DHX58: variants seen among roughly 807,000 people sequenced by gnomAD.
DHX58 encodes the protein ATP-dependent RNA helicase DHX58.
DHX58 carries 51 observed loss-of-function variants against 65.0 expected under a neutral mutation model. The observed-to-expected ratio is 0.78, with a 90% CI of 0.63 to 0.99. The LOEUF (loss-of-function observed/expected upper bound fraction) is 0.99. DHX58 is among the 50% of genes least tolerant of loss of function. The pLI is 0.00. For missense variants in DHX58, 773 were observed against 891.8 expected (o/e 0.87, Z 1.70); for synonymous variants, 350 against 365.0 (o/e 0.96, Z 0.47).
At position 42,110,758 on chromosome 17, in the gene DHX58, A is replaced by G; in HGVS notation, c.526T>C (p.Ser176Pro). The change falls in exon 5 of 14, where the codon TCC becomes CCC. Residue 176 changes from serine (S) to proline (P), a missense_variant. Coordinates refer to ENST00000251642, the MANE Select transcript of DHX58 (RefSeq NM_024119.3). The part of the protein sequence containing the change: ...LTASPGTGGA[S>P]KLDGAINHVL... Reference sequence around the variant, plus strand: ...TGGTTGATGGCCCCATCGAGTTTGGAGGCCCCGCCAGTGCCTGGGGAGGCT... The same window carrying G: ...TGGTTGATGGCCCCATCGAGTTTGGGGGCCCCGCCAGTGCCTGGGGAGGCT... The G allele has an allele frequency of 1.2e-6, 2 of 1,610,998 alleles. No homozygotes were observed. The highest frequency in any genetic ancestry group is 1.7e-6 in the Non-Finnish European group (2 of 1,178,524).
At chr17:42,109,885 C>A (rs1224082132) in intron 5 of DHX58, among the ~76,000 whole-genome samples, 5 of 132,352 alleles carry the variant, frequency 3.8e-5, no homozygotes, top group Non-Finnish European at 6.2e-5. Context: ...ACAGAGACTC[C>A]GTCTCAAAAA....
chr17:42,107,914 G>T, intron 7 of DHX58, 68 bp downstream of exon 7: 1 of 1,579,430 alleles, frequency 6.3e-7, no homozygotes. Flanking sequence ...AAAGGCCTCC[G>T]CCCCGGCAGG....
chr17:42,101,860 C>G lies in DHX58; in HGVS notation c.1938G>C (p.Arg646=). The G allele has an allele frequency of 6.2e-7, 1 of 1,614,224 alleles. No homozygotes were observed. The change falls in exon 14 of 14, where the codon CGG becomes CGC. Residue 646 remains arginine, a synonymous_variant. Coordinates refer to ENST00000251642, the MANE Select transcript of DHX58 (RefSeq NM_024119.3). ...CGCGGGACCACTTTTTGGCCTGGAT[C>G]CGCCCCTGAGGGGTCTCCAGCAGCA... ...RSMLLETPQG[R]IQAKKWSRVP...
Position 42,109,382 on chromosome 17 carries a change from C to T in DHX58, c.566G>A (p.Cys189Tyr), listed in dbSNP as rs1568005511. The change falls in exon 6 of 14, where the codon TGT becomes TAT. Residue 189 changes from cysteine to tyrosine, a missense_variant. Physicochemically the swap from Cys to Tyr is radical, Grantham distance 194. Coordinates refer to ENST00000251642, the MANE Select transcript of DHX58 (RefSeq NM_024119.3). ...GATGCACCACGTGTCCAAGTTGGCA[C>T]AGAGCTGGGGGCAACAGAGGACTTT... is the stretch of plus-strand genomic sequence containing the variant. ...DGAINHVLQLCANLDTWCIMS... is the reference protein window; with the variant it reads ...DGAINHVLQLYANLDTWCIMS... 6.2e-7 allele frequency: 1 copy of T among 1,613,146 alleles called. No individual in the cohort carries two copies. The highest frequency in any genetic ancestry group is 2.2e-5 in the East Asian group (1 of 44,874).
rs782366581 is a variant in DHX58, at chr17:42,103,627, T to G, written c.1735A>C (p.Asn579His). Residue 579 changes from asparagine (N) to histidine (H), a missense_variant, in exon 12 of 14, where the codon AAT becomes CAT. Asn to His is a moderately conservative substitution (Grantham distance 68). Coordinates refer to ENST00000251642, the MANE Select transcript of DHX58 (RefSeq NM_024119.3). ...LRKVEGTHHV[N>H]VNPNFSNYYN... is the part of the protein sequence containing the mutation. Reference sequence around the variant, plus strand: ...TCTCACGAGAAGTTGGGGTTCACATTGACATGGTGGGTGCCCTCCACCTTC... The same window carrying G: ...TCTCACGAGAAGTTGGGGTTCACATGGACATGGTGGGTGCCCTCCACCTTC... The G allele has an allele frequency of 1.9e-6, 3 of 1,614,066 alleles. No homozygotes were observed. In the Admixed American group the frequency reaches 5.0e-5, roughly 27 times the overall value.
rs374347077 is a variant in DHX58 at position 42,111,445 on chromosome 17, C to T, written c.221G>A (p.Arg74His). 13 of 1,614,178 alleles carry T rather than the reference C, an allele frequency of 8.1e-6. No individual in the cohort carries two copies. The highest frequency in any genetic ancestry group is 2.2e-5 in the East Asian group (1 of 44,890). The change falls in exon 4 of 14, where the codon CGC (arginine) becomes CAC (histidine). Residue 74 changes from arginine (R) to histidine (H), a missense_variant. Physicochemically the swap from Arg to His is conservative, Grantham distance 29. Transcript: ENST00000251642. ...GEEFRRMLDG[R>H]WTVTTLSGDM... is the part of the protein sequence containing the mutation. ...CCCACTCAGGGTTGTCACGGTCCAG[C>T]GTCCATCCAGCATGCGCCTGAACTC...
chr17:42,105,607 G>A, intron 9 of DHX58, 129 bp downstream of exon 9: 5 of 1,468,936 alleles, frequency 3.4e-6, no homozygotes, highest in Non-Finnish European at 3.6e-6. Flanking sequence ...CCCTCTGCCT[G>A]GGGATAGTCA....
Position 42,107,703 on chromosome 17 carries a change from C to T in DHX58, c.898G>A (p.Val300Met), listed in dbSNP as rs781896443. 42 of 1,611,502 alleles carry T rather than the reference C, an allele frequency of 2.6e-5. 1 individual carries two copies. In the East Asian group the frequency reaches 9.4e-4, roughly 36 times the overall value. Residue 300 changes from valine to methionine, a missense_variant, in exon 8 of 14, where the codon GTG becomes ATG. Val to Met is a conservative substitution (Grantham distance 21). Transcript: ENST00000251642. ...ALLIHDTVRA[V>M]DALAALQDFY... is the part of the protein sequence containing the mutation. ...TCCTGCAGCGCAGCCAAGGCATCCA[C>T]GGCGCGGACGGTGTCATGGATGAGC...
At chr17:42,111,546 GGGTAGGGAGGC>G in intron 3 of DHX58, 49 bp from the exon 4 acceptor site, 1 of 1,606,788 alleles carries the variant, frequency 6.2e-7, no homozygotes, top group Non-Finnish European at 8.5e-7. Context: ...CTGGGGCCAG[GGGTAGGGAGGC>G]GGTAAGGTGA....
intron 3 of DHX58, 72 bp downstream of exon 3, chr17:42,111,653 G>T: frequency 6.4e-7 from 1 of 1,571,952 alleles, no homozygotes; most frequent in East Asian, 2.3e-5. Context: ...GTTCTGGTGG[G>T]GACTGGGAGA....
intron 12 of DHX58, 54 bp from the exon 13 acceptor site, chr17:42,102,366 T>C: frequency 6.7e-7 from 1 of 1,496,376 alleles, no homozygotes; most frequent in Non-Finnish European, 9.3e-7. Context: ...CAGCCCCGGA[T>C]CTCATGCCCT....
intron 13 of DHX58, 67 bp downstream of exon 13, chr17:42,102,149 C>G: frequency 6.4e-7 from 1 of 1,569,014 alleles, no homozygotes; most frequent in Non-Finnish European, 8.8e-7. Context: ...CTAGTGAGGG[C>G]TCCCTGAGGG....
chr17:42,107,585 G>GCC lies in DHX58; in HGVS notation c.997+17_997+18dup. 11 of 1,193,314 alleles carry GCC rather than the reference G, an allele frequency of 9.2e-6. No homozygotes were observed. The highest frequency in any genetic ancestry group is 3.1e-5 in the East Asian group (1 of 32,786). 73.9% of individuals were successfully genotyped at this position (1,193,314 alleles called of 1,614,324 possible). A position where few individuals can be genotyped will look rare whatever the true frequency, so the allele number is the denominator to read the frequency against. On this transcript the variant is annotated intron_variant, in intron 8 of 13. Transcript: ENST00000251642. ...AGGTCCCATCATCCCCGGCCCCGAA[G>GCC]CCCCCTCCCGCCCCTCACCATCGAA... is the stretch of plus-strand genomic sequence containing the variant.
In DHX58 at chr17:42,107,688, C is replaced by T; in HGVS notation, c.913G>A (p.Ala305Thr). The change falls in exon 8 of 14, where the codon GCG becomes ACG. Residue 305 changes from alanine to threonine, a missense_variant. Transcript: ENST00000251642. ...DTVRAVDALA[A>T]LQDFYHREHV... ...TCCCTGTGATAGAAATCCTGCAGCG[C>T]AGCCAAGGCATCCACGGCGCGGACG... The T allele has an allele frequency of 3.1e-6, 5 of 1,612,992 alleles. No homozygotes were observed. Among genetic ancestry groups the T allele is most frequent in the Non-Finnish European group, 4.2e-6 (5 of 1,179,570 alleles).
intron 13 of DHX58, 110 bp downstream of exon 13, chr17:42,102,106 T>C: frequency 6.9e-7 from 1 of 1,441,606 alleles, no homozygotes; most frequent in South Asian, 1.2e-5. Context: ...CTCTTCAGAC[T>C]GGAGGCCATG....
Position 42,104,899 on chromosome 17 carries a change from C to T in DHX58, c.1430G>A (p.Ser477Asn). 1.9e-6 allele frequency: 3 copies of T among 1,613,466 alleles called. No individual in the cohort carries two copies. Among genetic ancestry groups the T allele is most frequent in the Non-Finnish European group, 2.5e-6 (3 of 1,179,930 alleles). Residue 477 changes from serine to asparagine, a missense_variant, in exon 11 of 14, where the codon AGT (serine) becomes AAT (asparagine). By Grantham distance (46) the Ser-to-Asn change is conservative (BLOSUM62 1). Coordinates refer to ENST00000251642, the MANE Select transcript of DHX58 (RefSeq NM_024119.3). ...QARGRARADQ[S>N]VYAFVATEGS... ...TTCAGTTGCTACAAACGCGTATACA[C>T]TCTGATCGGCCCGGGCACGGCCCCT...
Position 42,107,614 on chromosome 17 carries a change from G to C in DHX58, c.987C>G (p.Ala329=), listed in dbSNP as rs1242926826. The C allele has an allele frequency of 6.9e-6, 11 of 1,602,302 alleles. No homozygotes were observed. The African/African-American group carries it at 1.5e-4, about 21-fold the overall frequency. Residue 329 remains alanine (A), a synonymous_variant, in exon 8 of 14, where the codon GCC becomes GCG. Coordinates refer to ENST00000251642, the MANE Select transcript of DHX58 (RefSeq NM_024119.3). ...CCTCCCGCCCCTCACCATCGAACAGGGCCAGCAGCCGGCGCTCGGCACACA... is the reference window on the plus strand; with the variant it reads ...CCTCCCGCCCCTCACCATCGAACAGCGCCAGCAGCCGGCGCTCGGCACACA... ...QILCAERRLL[A]LFDDRKNELA...
chr17:42,111,318 C>T lies in DHX58; in HGVS notation c.348G>A (p.Glu116=). 1 of 1,612,948 alleles carries T rather than the reference C, an allele frequency of 6.2e-7. No individual in the cohort carries two copies. Among genetic ancestry groups the T allele is most frequent in the Non-Finnish European group, 8.5e-7 (1 of 1,179,010 alleles). The change falls in exon 4 of 14, where the codon GAG becomes GAA. Residue 116 remains glutamate (E), a synonymous_variant. Coordinates refer to ENST00000251642, the MANE Select transcript of DHX58 (RefSeq NM_024119.3). The part of the protein sequence containing the change: ...LLQMALTSPE[E]EEHVELTVFS... ...CACCAGTGAGCTCCACGTGCTCCTC[C>T]TCCTCGGGGCTGGTCAGTGCCATCT...
intron 13 of DHX58, 130 bp downstream of exon 13, chr17:42,102,086 C>A (rs2053987650): frequency 9.5e-5 from 136 of 1,426,358 alleles, no homozygotes; most frequent in Non-Finnish European, 1.3e-4. Context: ...TAGGGAGGGG[C>A]TGGACCTCCC....
Sources: gnomAD v4.1 joint callset for allele counts (sites outside exome capture counted in the v4.1 genomes callset) on GRCh38, gnomAD v4.1.1 for gene constraint, MANE v1.5 for transcripts, NCBI Gene and HGNC (gene_info 2026-07-23, HGNC 2026-07-21) for gene names.